Variants in FAF1 observed in about 807,000 individuals in gnomAD.
FAF1 encodes Fas associated factor 1.
FAF1 carries 25 observed loss-of-function variants against 92.5 expected under a neutral mutation model. That is an observed-to-expected ratio of 0.27 (90% CI 0.20 to 0.38). The LOEUF is 0.38. FAF1 is among the 10% of genes least tolerant of loss of function. The pLI, the probability that FAF1 is intolerant of heterozygous loss-of-function variation, is 1.00. For missense variants in FAF1, 636 were observed against 793.3 expected (o/e 0.80, Z 2.38); for synonymous variants, 234 against 273.2 (o/e 0.86, Z 1.42).
rs1385620367 is a variant in FAF1 at position 50,960,219 on chromosome 1, G to GCCTCCGCCT, written c.-417_-409dup. ...GAGCGGGCGGGCGAACGCCGCGGCC[G>GCCTCCGCCT]CCTCCGCCTCCTCCGCTTCCTCCCT... On this transcript the variant is annotated 5_prime_UTR_variant, in exon 1 of 19. Coordinates refer to ENST00000396153, the MANE Select transcript of FAF1 (RefSeq NM_007051.3). The GCCTCCGCCT allele has an allele frequency of 3.0e-6, 1 of 330,996 alleles. No homozygotes were observed. Among genetic ancestry groups the GCCTCCGCCT allele is most frequent in the Non-Finnish European group, 5.5e-6 (1 of 181,442 alleles). The allele number at this position is 330,996 out of a possible 1,614,324, so 20.5% of individuals were successfully genotyped here. A position where few individuals can be genotyped will look rare whatever the true frequency, so the allele number is the denominator to read the frequency against.
At chr1:50,664,664 G>A (rs988400613) in intron 7 of FAF1, among the ~76,000 whole-genome samples, 1 of 152,082 alleles carries the variant, frequency 6.6e-6, no homozygotes, top group Non-Finnish European at 1.5e-5. Flanking sequence ...CATGGTGGCG[G>A]GCGCCTGTAG....
intron 7 of FAF1, among the ~76,000 whole-genome samples, chr1:50,683,607 G>A (rs1656520949): frequency 6.6e-6 from 1 of 151,416 alleles, no homozygotes; most frequent in African/African-American, 2.4e-5. Context: ...AACCTTAATA[G>A]AAAATACAAG....
chr1:50,538,058 A>G (rs1258404201), intron 14 of FAF1, among the ~76,000 whole-genome samples: 1 of 152,016 alleles, frequency 6.6e-6, no homozygotes, highest in Non-Finnish European at 1.5e-5. Flanking sequence ...ATATTGGTTC[A>G]CTGAGTTATG....
intron 6 of FAF1, among the ~76,000 whole-genome samples, chr1:50,710,179 T>C (rs759082187): frequency 1.5e-4 from 23 of 152,200 alleles, no homozygotes; most frequent in Non-Finnish European, 3.1e-4. Context: ...ATGTTTAATA[T>C]TTTTAGTGCT....
chr1:50,707,599 C>T (rs1657737025), intron 6 of FAF1, among the ~76,000 whole-genome samples: 1 of 151,726 alleles, frequency 6.6e-6, no homozygotes, highest in South Asian at 2.1e-4. Context: ...GAGGCTGAGG[C>T]AGGAGAATCA....
intron 1 of FAF1, among the ~76,000 whole-genome samples, chr1:50,957,492 C>T (rs2124769661): frequency 6.6e-6 from 1 of 151,940 alleles, no homozygotes; most frequent in South Asian, 2.1e-4. Context: ...GCTGGGACTA[C>T]AGGCGCCCGC....
intron 2 of FAF1, 56 bp from the exon 3 acceptor site, chr1:50,801,733 G>T: frequency 1.0e-6 from 1 of 959,668 alleles, no homozygotes; most frequent in Non-Finnish European, 1.7e-6. Flanking sequence ...GCCCAAGTGT[G>T]GTGGAGAACA....
At chr1:50,660,937 G>A (rs1013681179) in intron 7 of FAF1, among the ~76,000 whole-genome samples, 47 of 152,118 alleles carry the variant, frequency 3.1e-4, no homozygotes, top group African/African-American at 1.1e-3. Flanking sequence ...TTATTATTTC[G>A]TGAAAATACT....
At chr1:50,945,145 A>G (rs537106747) in intron 1 of FAF1, among the ~76,000 whole-genome samples, 14 of 152,352 alleles carry the variant, frequency 9.2e-5, no homozygotes, top group Admixed American at 7.8e-4. Flanking sequence ...CTTGACAATC[A>G]GTTCATTGCT....
At chr1:50,547,252 A>G (rs76097312) in intron 13 of FAF1, among the ~76,000 whole-genome samples, 1,757 of 152,244 alleles carry the variant, frequency 0.012, 12 homozygotes, top group Non-Finnish European at 0.017. Flanking sequence ...ACATATTGTA[A>G]GCATGTTGGA....
intron 7 of FAF1, among the ~76,000 whole-genome samples, chr1:50,684,895 C>G (rs1311426434): frequency 6.6e-6 from 1 of 152,160 alleles, no homozygotes; most frequent in African/African-American, 2.4e-5. Flanking sequence ...TATAGTACCC[C>G]TCCTCGAAGA....
Position 50,944,640 on chromosome 1 carries a change from A to G in FAF1, c.45+15127T>C, listed in dbSNP as rs140473037. On this transcript the variant is annotated intron_variant, in intron 1 of 18. Transcript: ENST00000396153. ...CCCACTGTCTACCATACAGAGACTC[A>G]GCAAGCAGTATACTCAACCAAATAG... Among the ~76,000 whole-genome samples the G allele has an allele frequency of 3.3e-3, 506 of 152,358 alleles. 2 individuals are homozygous for G. The highest frequency in any genetic ancestry group is 0.011 in the African/African-American group (464 of 41,588).
chr1:50,876,806 A>G (rs1412212971), intron 1 of FAF1, among the ~76,000 whole-genome samples: 1 of 151,238 alleles, frequency 6.6e-6, no homozygotes, highest in Non-Finnish European at 1.5e-5. Flanking sequence ...CTGGTCTTGA[A>G]CTCCTGACCT....
intron 2 of FAF1, among the ~76,000 whole-genome samples, chr1:50,845,952 G>A (rs986675646): frequency 6.6e-6 from 1 of 151,738 alleles, no homozygotes; most frequent in Admixed American, 6.6e-5. Flanking sequence ...AGGAAACCCC[G>A]TCTCTACTAA....
Position 50,819,765 on chromosome 1 carries a change from G to A in FAF1, c.115-18088C>T, listed in dbSNP as rs12749887. ...CATATATATATACATATATATATAC[G>A]TATATATATATACATATATATACAT... On this transcript the variant is annotated intron_variant, in intron 2 of 18. Transcript: ENST00000396153. Among the ~76,000 whole-genome samples the A allele has an allele frequency of 2.8e-3, 113 of 40,124 alleles. 7 individuals are homozygous for A. The East Asian group carries it at 0.042, about 15-fold the overall frequency. 26.3% of individuals were successfully genotyped at this position (40,124 alleles called of 152,430 possible). A position where few individuals can be genotyped will look rare whatever the true frequency, so the allele number is the denominator to read the frequency against.
At chr1:50,490,439 G>T in intron 17 of FAF1, 149 bp downstream of exon 17, 1 of 461,622 alleles carries the variant, frequency 2.2e-6, no homozygotes, top group Non-Finnish European at 4.1e-6. Flanking sequence ...AAGGAAGGAA[G>T]GAAGGAAGGA....
intron 2 of FAF1, among the ~76,000 whole-genome samples, chr1:50,836,951 CT>C (rs528322924): frequency 0.077 from 5,863 of 76,380 alleles, 22 homozygotes; most frequent in Middle Eastern, 0.1. Context: ...TGTTATGTTT[CT>C]TTTTTTTTTT....
At chr1:50,944,275 G>T (rs988569394) in intron 1 of FAF1, among the ~76,000 whole-genome samples, 1 of 152,234 alleles carries the variant, frequency 6.6e-6, no homozygotes, top group Non-Finnish European at 1.5e-5. Flanking sequence ...GGCAGACCCA[G>T]CAGTCAGCTA....
intron 15 of FAF1, among the ~76,000 whole-genome samples, chr1:50,508,040 T>C (rs1034225058): frequency 6.6e-6 from 1 of 152,194 alleles, no homozygotes; most frequent in East Asian, 1.9e-4. Flanking sequence ...ACAAACAAGA[T>C]ACCACCTTTA....
Sources: allele counts gnomAD v4.1 joint callset (sites outside exome capture counted in the v4.1 genomes callset), GRCh38; gene constraint gnomAD v4.1.1; transcripts MANE v1.5; gene names NCBI Gene and HGNC (gene_info 2026-07-23, HGNC 2026-07-21).